TDRD3: variants seen among roughly 807,000 people sequenced by gnomAD.
TDRD3 encodes tudor domain-containing protein 3.
TDRD3 carries 45 observed loss-of-function variants against 86.7 expected under a neutral mutation model. That is an observed-to-expected ratio of 0.52 (90% CI 0.41 to 0.67). The LOEUF (loss-of-function observed/expected upper bound fraction) is 0.67. Ranked by LOEUF, TDRD3 falls within the 30% of genes least tolerant of loss-of-function variation. The probability of loss-of-function intolerance (pLI) is 0.00; values close to 1 mark genes in which losing one functional copy is unlikely to be tolerated. For missense variants in TDRD3, 814 were observed against 889.0 expected (o/e 0.92, Z 1.07); for synonymous variants, 298 against 301.7 (o/e 0.99, Z 0.13).
chr13:60,454,404 T>A (rs569044098), intron 3 of TDRD3, among the ~76,000 whole-genome samples: 10 of 152,342 alleles, frequency 6.6e-5, no homozygotes, highest in South Asian at 2.1e-4. Flanking sequence ...TAATTTTTTT[T>A]AATATTTCTC....
chr13:60,406,884 T>A (rs937370156), intron 1 of TDRD3, among the ~76,000 whole-genome samples: 1 of 152,198 alleles, frequency 6.6e-6, no homozygotes, highest in African/African-American at 2.4e-5. Context: ...AAAATTTAGC[T>A]GCAGCTTTTC....
intron 12 of TDRD3, among the ~76,000 whole-genome samples, chr13:60,563,282 T>A (rs11841242): frequency 0.28 from 42,472 of 150,658 alleles, 6,169 homozygotes; most frequent in South Asian, 0.34. Context: ...ATGAACATAT[T>A]GCTGGAGCTG....
chr13:60,406,745 T>C (rs1376441677), intron 1 of TDRD3, among the ~76,000 whole-genome samples: 9 of 152,224 alleles, frequency 5.9e-5, no homozygotes, highest in Non-Finnish European at 1.0e-4. Flanking sequence ...TGTTAGTTTA[T>C]TGACTTGCTG....
chr13:60,547,477 C>G lies in TDRD3; in HGVS notation c.2118+12244C>G, dbSNP rs764268443. 1.5e-5 allele frequency: 14 copies of G among 915,306 alleles called. No individual in the cohort carries two copies. In the African/African-American group the frequency reaches 2.3e-4, roughly 15 times the overall value. The allele number at this position is 915,306 out of a possible 1,614,324, so 56.7% of individuals were successfully genotyped here. A position where few individuals can be genotyped will look rare whatever the true frequency, so the allele number is the denominator to read the frequency against. Reference sequence around the variant, plus strand: ...CGAGTCCTGGCTCTGCCACTTACTACCTATGTGACTTTGGGTAAGTTACCT... The same window carrying G: ...CGAGTCCTGGCTCTGCCACTTACTAGCTATGTGACTTTGGGTAAGTTACCT... On this transcript the variant is annotated intron_variant, in intron 12 of 13. Transcript: ENST00000377881.
chr13:60,513,284 C>G (rs951362933), intron 10 of TDRD3, among the ~76,000 whole-genome samples: 1 of 152,188 alleles, frequency 6.6e-6, no homozygotes, highest in Non-Finnish European at 1.5e-5. Flanking sequence ...CTGGGCCCAG[C>G]CCATGAAACC....
upstream of TDRD3, chr13:60,396,465 T>A (rs370381972): frequency 6.6e-6 from 1 of 152,246 alleles, no homozygotes; most frequent in African/African-American, 2.4e-5. Context: ...GGACCCACCC[T>A]GCGCCCCAGC....
At chr13:60,492,690 T>G (rs1323261421) in intron 7 of TDRD3, among the ~76,000 whole-genome samples, 1 of 152,144 alleles carries the variant, frequency 6.6e-6, no homozygotes, top group Non-Finnish European at 1.5e-5. Context: ...TTTTTTTTTT[T>G]GCTGGGATTC....
intron 7 of TDRD3, among the ~76,000 whole-genome samples, chr13:60,491,813 TAAGG>T (rs1055062212): frequency 2.6e-5 from 4 of 151,688 alleles, no homozygotes; most frequent in South Asian, 2.1e-4. Flanking sequence ...TTTTTTTTAA[TAAGG>T]AAGTAAGCAT....
chr13:60,512,182 G>A (rs1396338708), intron 10 of TDRD3, among the ~76,000 whole-genome samples: 3 of 152,142 alleles, frequency 2.0e-5, no homozygotes, highest in African/African-American at 7.2e-5. Flanking sequence ...GTAGGTGGCA[G>A]GAGGCAAAGG....
At position 60,501,936 on chromosome 13, in the gene TDRD3, A is replaced by G. The variant is rs149338218; in HGVS notation, c.858+7361A>G. On this transcript the variant is annotated intron_variant, in intron 8 of 13. Transcript: ENST00000377881. ...TATTATTCCTGCTATCAGGATAATA[A>G]TTACACAAAATACTATAGCAATGGA... 5.0e-3 allele frequency among the ~76,000 whole-genome samples: 756 copies of G among 152,326 alleles called. 3 individuals carry two copies. Among genetic ancestry groups the G allele is most frequent in the Middle Eastern group, 0.024 (7 of 294 alleles).
chr13:60,489,555 TTTA>T (rs1306746166), intron 7 of TDRD3, among the ~76,000 whole-genome samples: 2 of 152,320 alleles, frequency 1.3e-5, no homozygotes, highest in Middle Eastern at 3.4e-3. Flanking sequence ...TCCCCTGTTT[TTTA>T]TTTTTTTCAT....
At chr13:60,414,244 A>G (rs1330363752) in intron 1 of TDRD3, among the ~76,000 whole-genome samples, 1 of 152,132 alleles carries the variant, frequency 6.6e-6, no homozygotes, top group Non-Finnish European at 1.5e-5. Context: ...AGAAAGAAAG[A>G]TTATATAGCT....
intron 12 of TDRD3, among the ~76,000 whole-genome samples, chr13:60,563,822 C>T (rs1958391874): frequency 6.6e-6 from 1 of 152,158 alleles, no homozygotes; most frequent in Admixed American, 6.5e-5. Flanking sequence ...TAACACGGCT[C>T]ATTTATAAAT....
rs762275570 is a variant in TDRD3 at position 60,529,261 on chromosome 13, T to G, written c.1992+44T>G. The G allele has an allele frequency of 2.6e-6, 4 of 1,515,534 alleles. No individual in the cohort carries two copies. In the East Asian group the frequency reaches 9.1e-5, roughly 34 times the overall value. 93.9% of individuals were successfully genotyped at this position (1,515,534 alleles called of 1,614,324 possible). ...TATTATACACTAATATTACGAAATG[T>G]AACATTCTAGTGGGACTTTATAGAA... On this transcript the variant is annotated intron_variant, in intron 11 of 13. Coordinates refer to ENST00000377881, the MANE Select transcript of TDRD3 (RefSeq NM_001146070.2).
At chr13:60,516,137 G>A (rs1055172873) in intron 10 of TDRD3, among the ~76,000 whole-genome samples, 18 of 152,160 alleles carry the variant, frequency 1.2e-4, no homozygotes, top group Non-Finnish European at 2.5e-4. Flanking sequence ...TTCTAATACA[G>A]TTGCATAATC....
In TDRD3 at chr13:60,470,828, C is replaced by T. The variant is rs146012809; in HGVS notation, c.495+3449C>T. Among the ~76,000 whole-genome samples, 475 of 152,162 alleles carry T rather than the reference C, an allele frequency of 3.1e-3. 2 individuals are homozygous for T. The highest frequency in any genetic ancestry group is 0.011 in the African/African-American group (448 of 41,518). On this transcript the variant is annotated intron_variant, in intron 5 of 13. Transcript: ENST00000377881. ...CAACTCCTGACTTCAGGTGATCTGC[C>T]GGTCTCAGCCTCTAAAAGTGCTGGG...
At chr13:60,409,672 A>G (rs1954312890) in intron 1 of TDRD3, among the ~76,000 whole-genome samples, 1 of 152,132 alleles carries the variant, frequency 6.6e-6, no homozygotes, top group Admixed American at 6.5e-5. Context: ...GTATTTACCC[A>G]ATACCTGTAC....
chr13:60,557,330 C>G (rs932351846), intron 12 of TDRD3, among the ~76,000 whole-genome samples: 1 of 151,984 alleles, frequency 6.6e-6, no homozygotes, highest in Non-Finnish European at 1.5e-5. Flanking sequence ...GAGTTATTTG[C>G]AAGAGGCAGA....
chr13:60,471,345 A>T (rs187828769), intron 5 of TDRD3, among the ~76,000 whole-genome samples: 2 of 152,164 alleles, frequency 1.3e-5, no homozygotes, highest in African/African-American at 4.8e-5. Flanking sequence ...TTATTTGGCC[A>T]TATATGAACA....
Sources: allele counts gnomAD v4.1 joint callset (sites outside exome capture counted in the v4.1 genomes callset), GRCh38; gene constraint gnomAD v4.1.1; transcripts MANE v1.5; gene names NCBI Gene and HGNC (gene_info 2026-07-23, HGNC 2026-07-21).